Variants in UEVLD observed in about 807,000 individuals in gnomAD.
UEVLD encodes UEV and lactate/malate dehyrogenase domains, also known as ubiquitin-conjugating enzyme E2 variant 3.
A neutral mutation model predicts 58.6 loss-of-function variants in UEVLD; 47 were observed. The observed-to-expected ratio is 0.80, with a 90% CI of 0.63 to 1.02. The LOEUF is 1.02. Ranked by LOEUF, UEVLD falls within the 50% of genes least tolerant of loss-of-function variation. UEVLD has a pLI of 0.00. For synonymous variants in UEVLD, 197 were observed against 195.3 expected (o/e 1.01, Z -0.07); for missense variants, 510 against 550.6 (o/e 0.93, Z 0.74).
chr11:18,564,790 T>A, intron 6 of UEVLD, 102 bp downstream of exon 6: 1 of 753,920 alleles, frequency 1.3e-6, no homozygotes, highest in Non-Finnish European at 2.1e-6. Context: ...AAAATAAGGT[T>A]TTCCCACGAC....
At chr11:18,584,038 G>C (rs1274044650) in intron 1 of UEVLD, among the ~76,000 whole-genome samples, 1 of 152,122 alleles carries the variant, frequency 6.6e-6, no homozygotes, top group African/African-American at 2.4e-5. Flanking sequence ...ATAGGAATTA[G>C]GGAACTAGGT....
At chr11:18,545,498 G>A in intron 8 of UEVLD, among the ~76,000 whole-genome samples, 1 of 152,092 alleles carries the variant, frequency 6.6e-6, no homozygotes, top group East Asian at 1.9e-4. Flanking sequence ...AGGCTGGAGT[G>A]CAGTGGCATG....
chr11:18,566,374 G>GCA lies in UEVLD; in HGVS notation c.464_465dup (p.Leu156CysfsTer2), dbSNP rs763623674. 9 of 1,613,940 alleles carry GCA rather than the reference G, an allele frequency of 5.6e-6. No homozygotes were observed. The Admixed American group carries it at 1.0e-4, about 18-fold the overall frequency. On this transcript the variant is annotated frameshift_variant, in exon 5 of 12. Coordinates refer to ENST00000396197, the MANE Select transcript of UEVLD (RefSeq NM_001040697.4). LOFTEE classifies it high-confidence loss of function. The stretch of plus-strand genomic sequence containing the variant: ...TCAGTGATTTTTGCAATATAGGCTA[G>GCA]CAAGTCTACCTGCCGTGCCTCATCA...
In UEVLD at chr11:18,575,341, A is replaced by T; in HGVS notation, c.193+6T>A. On this transcript the variant is annotated splice_donor_region_variant and intron_variant, in intron 3 of 11. Coordinates refer to ENST00000396197, the MANE Select transcript of UEVLD (RefSeq NM_001040697.4). ...ACTCACACATTTTTTCAACTTCCAC[A>T]CTTACCCTGATACATCACAGGAATT... The T allele has an allele frequency of 6.2e-7, 1 of 1,602,990 alleles. No individual in the cohort carries two copies. Among genetic ancestry groups the T allele is most frequent in the Non-Finnish European group, 8.5e-7 (1 of 1,177,406 alleles).
intron 7 of UEVLD, among the ~76,000 whole-genome samples, chr11:18,554,835 A>T (rs922191365): frequency 7.9e-5 from 12 of 152,202 alleles, no homozygotes; most frequent in African/African-American, 2.4e-4. Context: ...AGTAGCTATT[A>T]AAAAAGACAT....
intron 1 of UEVLD, among the ~76,000 whole-genome samples, chr11:18,580,308 TA>T (rs1853171344): frequency 6.6e-6 from 1 of 152,090 alleles, no homozygotes; most frequent in Admixed American, 6.6e-5. Flanking sequence ...TTCAAAAGAC[TA>T]AATACAGAGT....
At chr11:18,550,913 C>G (rs551454236) in intron 7 of UEVLD, among the ~76,000 whole-genome samples, 3 of 152,220 alleles carry the variant, frequency 2.0e-5, no homozygotes, top group African/African-American at 7.2e-5. Context: ...GGGGAAATAG[C>G]TTCCAGAATG....
chr11:18,576,493 T>A (rs1331566024), intron 2 of UEVLD, among the ~76,000 whole-genome samples: 4 of 151,784 alleles, frequency 2.6e-5, no homozygotes, highest in Non-Finnish European at 5.9e-5. Context: ...ACCACTGTAC[T>A]CCAGCCTGGG....
intron 10 of UEVLD, 71 bp from the exon 11 acceptor site, chr11:18,534,524 G>C: frequency 6.8e-7 from 1 of 1,467,186 alleles, no homozygotes; most frequent in Admixed American, 2.6e-5. Context: ...TTCTGGCTAA[G>C]GTATTAATTA....
intron 8 of UEVLD, among the ~76,000 whole-genome samples, chr11:18,546,126 C>T (rs1201854802): frequency 6.6e-6 from 1 of 152,104 alleles, no homozygotes; most frequent in Non-Finnish European, 1.5e-5. Context: ...TACAAACTAA[C>T]TCTTTGAAAA....
chr11:18,542,941 G>A (rs1018186563), intron 9 of UEVLD, among the ~76,000 whole-genome samples: 20 of 135,100 alleles, frequency 1.5e-4, no homozygotes, highest in Middle Eastern at 8.6e-3. Flanking sequence ...CGCCCAGACT[G>A]GAGTGCAGTG....
At chr11:18,533,906 G>A (rs1036837891) in intron 11 of UEVLD, among the ~76,000 whole-genome samples, 1 of 152,118 alleles carries the variant, frequency 6.6e-6, no homozygotes, top group Non-Finnish European at 1.5e-5. Flanking sequence ...CACCTGCCTC[G>A]GCCTCCGAGT....
At chr11:18,554,105 T>C (rs188515287) in intron 7 of UEVLD, among the ~76,000 whole-genome samples, 1 of 152,356 alleles carries the variant, frequency 6.6e-6, no homozygotes, top group Non-Finnish European at 1.5e-5. Context: ...TTCTTTTTTT[T>C]TGAGACGGAG....
chr11:18,571,166 T>C (rs1385857263), intron 3 of UEVLD, among the ~76,000 whole-genome samples: 1 of 151,882 alleles, frequency 6.6e-6, no homozygotes, highest in African/African-American at 2.4e-5. Context: ...ACCAACATGA[T>C]GAAACCCCAT....
chr11:18,559,924 A>C (rs1214849072), intron 6 of UEVLD, among the ~76,000 whole-genome samples: 1 of 152,100 alleles, frequency 6.6e-6, no homozygotes, highest in African/African-American at 2.4e-5. Context: ...AAGTACCCAA[A>C]GATCTACCAG....
intron 6 of UEVLD, 35 bp downstream of exon 6, chr11:18,564,857 T>C (rs370349589): frequency 1.4e-6 from 2 of 1,481,350 alleles, no homozygotes; most frequent in Non-Finnish European, 1.9e-6. Context: ...TGTGGCACTA[T>C]GATAGATGTA....
intron 7 of UEVLD, among the ~76,000 whole-genome samples, chr11:18,557,422 G>A (rs980105719): frequency 6.6e-6 from 1 of 152,026 alleles, no homozygotes; most frequent in African/African-American, 2.4e-5. Context: ...AAAGTGCTGG[G>A]ATTACAGGCG....
At position 18,565,022 on chromosome 11, in the gene UEVLD, G is replaced by C; in HGVS notation, c.494-12C>G. 1 of 1,572,622 alleles carries C rather than the reference G, an allele frequency of 6.4e-7. No individual in the cohort carries two copies. Among genetic ancestry groups the C allele is most frequent in the Non-Finnish European group, 8.7e-7 (1 of 1,146,746 alleles). ...TGTATCTGAAACACCTAGAAAGAAA[G>C]GTGAATTATCCTGAGAATTCAAAAA... On this transcript the variant is annotated splice_polypyrimidine_tract_variant and intron_variant, in intron 5 of 11. Coordinates refer to ENST00000396197, the MANE Select transcript of UEVLD (RefSeq NM_001040697.4).
At chr11:18,570,029 G>A in intron 4 of UEVLD, 185 bp downstream of exon 4, 1 of 550,328 alleles carries the variant, frequency 1.8e-6, no homozygotes, top group South Asian at 2.6e-5. Context: ...TGTACAGGCA[G>A]TTGTCATCAG....
Sources: gnomAD v4.1 joint callset for allele counts (sites outside exome capture counted in the v4.1 genomes callset) on GRCh38, gnomAD v4.1.1 for gene constraint, MANE v1.5 for transcripts, NCBI Gene and HGNC (gene_info 2026-07-23, HGNC 2026-07-21) for gene names.